Variants in SOBP observed in about 807,000 individuals in gnomAD.
SOBP encodes sine oculis binding protein homolog, also known as sine oculis-binding protein homolog.
In SOBP, 4 loss-of-function variants were observed where a neutral mutation model predicts 53.6. That is an observed-to-expected ratio of 0.07 (90% CI 0.04 to 0.17). SOBP has a LOEUF of 0.17. Ranked by LOEUF, SOBP falls within the 10% of genes least tolerant of loss-of-function variation. The probability of loss-of-function intolerance (pLI) is 1.00; values close to 1 mark genes in which losing one functional copy is unlikely to be tolerated. For missense variants in SOBP, 1,088 were observed against 1,204.7 expected, an observed-to-expected ratio of 0.90 and a Z score of 1.43; for synonymous variants, 584 against 522.6, an observed-to-expected ratio of 1.12 and a Z score of -1.60.
intron 4 of SOBP, among the ~76,000 whole-genome samples, chr6:107,557,035 A>G (rs1222054613): frequency 1.3e-5 from 2 of 152,222 alleles, no homozygotes; most frequent in African/African-American, 4.8e-5. Context: ...ATACCTCCAG[A>G]CTTCAACTTA....
rs80104052 is a variant in SOBP at position 107,612,529 on chromosome 6, C to T, written c.670-20985C>T. ...GTTAGAAATGCAGATTCTTGTGCCC[C>T]ATTCAGGCCTACTGAACCAGAAACT... is the stretch of plus-strand genomic sequence containing the variant. On this transcript the variant is annotated intron_variant, in intron 5 of 6. Coordinates refer to ENST00000317357, the MANE Select transcript of SOBP (RefSeq NM_018013.4). Among the ~76,000 whole-genome samples the T allele has an allele frequency of 9.9e-3, 1,502 of 152,244 alleles. 25 individuals carry two copies. Among genetic ancestry groups the T allele is most frequent in the African/African-American group, 0.035 (1,444 of 41,530 alleles).
At chr6:107,558,558 G>A (rs1245692830) in intron 4 of SOBP, among the ~76,000 whole-genome samples, 2 of 151,998 alleles carry the variant, frequency 1.3e-5, no homozygotes, top group Non-Finnish European at 2.9e-5. Flanking sequence ...GTGAGCCACC[G>A]CGCCCGGCCT....
chr6:107,576,398 A>G (rs1209808528), intron 4 of SOBP, among the ~76,000 whole-genome samples: 1 of 152,218 alleles, frequency 6.6e-6, no homozygotes, highest in Non-Finnish European at 1.5e-5. Context: ...AAGAAATCTT[A>G]TCTTTAAGAC....
At chr6:107,576,746 C>T (rs867140700) in intron 4 of SOBP, among the ~76,000 whole-genome samples, 16 of 152,144 alleles carry the variant, frequency 1.1e-4, no homozygotes, top group African/African-American at 3.9e-4. Flanking sequence ...TGGTGGGCAC[C>T]TGGGGGATGA....
chr6:107,523,630 C>A (rs891453952), intron 3 of SOBP, among the ~76,000 whole-genome samples: 2 of 151,482 alleles, frequency 1.3e-5, no homozygotes, highest in Non-Finnish European at 1.5e-5. Flanking sequence ...AGGAGGTGGC[C>A]CCACGTGGCC....
At chr6:107,577,998 G>A (rs944730660) in intron 4 of SOBP, among the ~76,000 whole-genome samples, 23 of 151,314 alleles carry the variant, frequency 1.5e-4, no homozygotes, top group Admixed American at 2.0e-4. Context: ...GGCGTGAACC[G>A]GGGAGGCGAA....
chr6:107,624,108 G>T (rs1343809004), intron 5 of SOBP, among the ~76,000 whole-genome samples: 1 of 152,120 alleles, frequency 6.6e-6, no homozygotes, highest in African/African-American at 2.4e-5. Flanking sequence ...ACAGAGGAAA[G>T]AATAAAAAAA....
intron 6 of SOBP, among the ~76,000 whole-genome samples, chr6:107,649,063 G>C (rs1483799077): frequency 1.3e-5 from 2 of 150,434 alleles, no homozygotes; most frequent in African/African-American, 4.9e-5. Context: ...CAGCTACTCA[G>C]GAGGCTGAGG....
intron 4 of SOBP, among the ~76,000 whole-genome samples, chr6:107,547,779 A>T (rs1032770237): frequency 6.6e-6 from 1 of 152,176 alleles, no homozygotes; most frequent in African/African-American, 2.4e-5. Context: ...CTGGAAATGC[A>T]AGCAGGTTGT....
chr6:107,506,489 G>A (rs1782997111), intron 3 of SOBP, 62 bp downstream of exon 3: 1 of 1,574,038 alleles, frequency 6.4e-7, no homozygotes, highest in Non-Finnish European at 8.7e-7. Flanking sequence ...AACCATCTTA[G>A]GAATAATTAT....
At chr6:107,533,134 T>G (rs935824010) in intron 3 of SOBP, among the ~76,000 whole-genome samples, 1 of 150,926 alleles carries the variant, frequency 6.6e-6, no homozygotes, top group Non-Finnish European at 1.5e-5. Context: ...GCTTCGTTAG[T>G]GCTGGGGCTG....
intron 1 of SOBP, among the ~76,000 whole-genome samples, chr6:107,497,302 A>C (rs980095083): frequency 6.6e-6 from 1 of 152,228 alleles, no homozygotes; most frequent in Non-Finnish European, 1.5e-5. Flanking sequence ...CATGTGCTCC[A>C]CTTTCTTGGA....
At chr6:107,550,335 C>T (rs1302276007) in intron 4 of SOBP, among the ~76,000 whole-genome samples, 3 of 152,166 alleles carry the variant, frequency 2.0e-5, no homozygotes, top group Admixed American at 6.5e-5. Flanking sequence ...ACATCTGAGA[C>T]GTGGTTTCTG....
At chr6:107,568,863 A>C (rs1008790930) in intron 4 of SOBP, among the ~76,000 whole-genome samples, 3 of 152,218 alleles carry the variant, frequency 2.0e-5, no homozygotes, top group African/African-American at 7.2e-5. Context: ...AGAAACCTTC[A>C]TGCATTGACC....
intron 4 of SOBP, among the ~76,000 whole-genome samples, chr6:107,543,393 T>G (rs1784207518): frequency 6.6e-6 from 1 of 151,892 alleles, no homozygotes. Context: ...AAAAAAAGAG[T>G]CTTGAAATTC....
intron 1 of SOBP, among the ~76,000 whole-genome samples, chr6:107,499,537 G>A (rs766870878): frequency 6.6e-6 from 1 of 152,298 alleles, no homozygotes; most frequent in Middle Eastern, 3.4e-3. Context: ...GCAAAATGTA[G>A]TTCAGATGCC....
intron 5 of SOBP, among the ~76,000 whole-genome samples, chr6:107,591,510 A>T (rs908660254): frequency 5.3e-5 from 8 of 152,182 alleles, no homozygotes; most frequent in African/African-American, 1.9e-4. Context: ...GATAGTTGCC[A>T]GGAAGTGTAA....
chr6:107,556,747 C>A (rs1007526107), intron 4 of SOBP, among the ~76,000 whole-genome samples: 1 of 152,174 alleles, frequency 6.6e-6, no homozygotes, highest in Non-Finnish European at 1.5e-5. Flanking sequence ...TTGGGCAGGT[C>A]TTTCAGCCGC....
At chr6:107,537,317 C>G (rs1290182001) in intron 4 of SOBP, among the ~76,000 whole-genome samples, 1 of 152,146 alleles carries the variant, frequency 6.6e-6, no homozygotes, top group Non-Finnish European at 1.5e-5. Flanking sequence ...TGGGAAATAT[C>G]TTATTGTCCA....
Sources: gnomAD v4.1 joint callset for allele counts (sites outside exome capture counted in the v4.1 genomes callset) on GRCh38, gnomAD v4.1.1 for gene constraint, MANE v1.5 for transcripts, NCBI Gene and HGNC (gene_info 2026-07-23, HGNC 2026-07-21) for gene names.